The following NOSTRIN variants were observed in gnomAD, a reference collection of about 807,000 sequenced individuals.
The protein encoded by NOSTRIN is BM247 homolog.
In NOSTRIN, 63 loss-of-function variants were observed where a neutral mutation model predicts 59.0. The observed-to-expected ratio is 1.07, with a 90% CI of 0.87 to 1.32. The LOEUF (loss-of-function observed/expected upper bound fraction) is 1.32. NOSTRIN is among the 40% of genes most tolerant of loss of function. The pLI is 0.00. For synonymous variants in NOSTRIN, 200 were observed against 165.4 expected, an observed-to-expected ratio of 1.21 and a Z score of -1.61; for missense variants, 512 against 473.1, an observed-to-expected ratio of 1.08 and a Z score of -0.76.
At chr2:168,833,816 CA>C (rs11284678) in intron 6 of NOSTRIN, among the ~76,000 whole-genome samples, 92,774 of 152,000 alleles carry the variant, frequency 0.61, 29,389 homozygotes, top group African/African-American at 0.78. Context: ...AAAACAATCT[CA>C]AATCGTGGCC....
At chr2:168,842,967 G>T in intron 7 of NOSTRIN, 25 bp from the exon 8 acceptor site, 1 of 866,586 alleles carries the variant, frequency 1.2e-6, no homozygotes, top group Non-Finnish European at 2.0e-6. Flanking sequence ...GTTAGTAAAT[G>T]TGTGACATTG....
chr2:168,815,773 A>T (rs1686364219), intron 2 of NOSTRIN, among the ~76,000 whole-genome samples: 1 of 152,184 alleles, frequency 6.6e-6, no homozygotes, highest in Non-Finnish European at 1.5e-5. Context: ...CAAACCATAT[A>T]TATCACAGTA....
intron 12 of NOSTRIN, 88 bp from the exon 13 acceptor site, chr2:168,859,424 G>T: frequency 6.5e-7 from 1 of 1,545,636 alleles, no homozygotes; most frequent in South Asian, 1.2e-5. Context: ...TCTAACCTTT[G>T]TTATTTTGAA....
At chr2:168,851,056 A>C in intron 8 of NOSTRIN, 28 bp from the exon 9 acceptor site, 1 of 1,287,904 alleles carries the variant, frequency 7.8e-7, no homozygotes, top group Non-Finnish European at 1.1e-6. Context: ...CAACTGGCTG[A>C]TCTTACCCCA....
chr2:168,799,849 A>G (rs1211112666), upstream of NOSTRIN, among the ~76,000 whole-genome samples: 1 of 152,190 alleles, frequency 6.6e-6, no homozygotes, highest in Non-Finnish European at 1.5e-5. Flanking sequence ...ATTGTAGTAA[A>G]TTGAATGGAA....
chr2:168,798,986 T>C (rs909544336), upstream of NOSTRIN, among the ~76,000 whole-genome samples: 1 of 152,152 alleles, frequency 6.6e-6, no homozygotes, highest in African/African-American at 2.4e-5. Context: ...GAAGCAATCA[T>C]GTAAAGGCAT....
intron 15 of NOSTRIN, chr2:168,863,785 C>CA (rs1689648046): frequency 2.8e-6 from 1 of 361,150 alleles, no homozygotes; most frequent in Non-Finnish European, 3.9e-6. Context: ...GCCAAACAAT[C>CA]AAAAACACCA....
intron 8 of NOSTRIN, among the ~76,000 whole-genome samples, chr2:168,849,365 C>CT (rs60668601): frequency 0.021 from 3,132 of 151,640 alleles, 109 homozygotes; most frequent in African/African-American, 0.07. Flanking sequence ...TTCTTCTTTT[C>CT]TTTTTTTTGA....
chr2:168,852,566 G>A (rs1037574864), intron 10 of NOSTRIN, among the ~76,000 whole-genome samples: 1 of 152,158 alleles, frequency 6.6e-6, no homozygotes, highest in African/African-American at 2.4e-5. Flanking sequence ...AGGATTTCAA[G>A]CTCCAGATTA....
rs556792095 is a variant in NOSTRIN at position 168,787,678 on chromosome 2, A to T, written c.-660-183A>T. On this transcript the variant is annotated intron_variant, in intron 1 of 20. Transcript: ENST00000458381. ...ATAAATTCCTGTAGAATGAATATGC[A>T]TTTACAGAAAGAGGAGCTGTGAGAA... Among the ~76,000 whole-genome samples the T allele has an allele frequency of 2.0e-5, 3 of 152,324 alleles. No homozygotes were observed. The South Asian group carries it at 6.2e-4, about 32-fold the overall frequency.
At chr2:168,843,721 C>G (rs1282420396) in intron 8 of NOSTRIN, among the ~76,000 whole-genome samples, 1 of 152,132 alleles carries the variant, frequency 6.6e-6, no homozygotes, top group Admixed American at 6.5e-5. Context: ...TTGACAATAT[C>G]AAGTGTTGGT....
At chr2:168,797,232 G>A (rs187739244), upstream of NOSTRIN, among the ~76,000 whole-genome samples, 143 of 151,730 alleles carry the variant, frequency 9.4e-4, no homozygotes, top group African/African-American at 3.3e-3. Flanking sequence ...TGGGACTACA[G>A]GTACGTACCA....
At chr2:168,799,395 C>T (rs554120582), upstream of NOSTRIN, among the ~76,000 whole-genome samples, 33 of 152,332 alleles carry the variant, frequency 2.2e-4, no homozygotes, top group South Asian at 5.4e-3. Flanking sequence ...CAGTCTCCTC[C>T]TCCCAAAGTC....
upstream of NOSTRIN, among the ~76,000 whole-genome samples, chr2:168,802,189 C>T (rs189669203): frequency 4.6e-3 from 701 of 152,194 alleles, 13 homozygotes; most frequent in Non-Finnish European, 6.0e-3. Flanking sequence ...TTAGCTAACC[C>T]TCAGAGAGGC....
chr2:168,831,506 TCATTAGC>T lies in NOSTRIN; in HGVS notation c.378_384del (p.Ile127ThrfsTer12), dbSNP rs751807553. On this transcript the variant is annotated frameshift_variant, in exon 6 of 16. Coordinates refer to ENST00000317647, the MANE Select transcript of NOSTRIN (RefSeq NM_001039724.4). LOFTEE classifies it high-confidence loss of function. ...GAAGTTGAAAAGACAGCAAATCTTGTCATTAGCAACTGGAATCAGCAAATTAAGGCAA... is the reference window on the plus strand; with the variant it reads ...GAAGTTGAAAAGACAGCAAATCTTGTAACTGGAATCAGCAAATTAAGGCAA... The T allele has an allele frequency of 4.7e-5, 41 of 866,258 alleles. No individual in the cohort carries two copies. Among genetic ancestry groups the T allele is most frequent in the Non-Finnish European group, 7.7e-5 (38 of 496,182 alleles). 53.7% of individuals were successfully genotyped at this position (866,258 alleles called of 1,614,324 possible). A position where few individuals can be genotyped will look rare whatever the true frequency, so the allele number is the denominator to read the frequency against.
At chr2:168,826,165 C>T (rs567301734) in intron 3 of NOSTRIN, among the ~76,000 whole-genome samples, 10 of 152,180 alleles carry the variant, frequency 6.6e-5, no homozygotes, top group East Asian at 5.8e-4. Flanking sequence ...TGGCAGGGAA[C>T]GAAAGCTCTG....
At chr2:168,787,077 A>T (rs1247098490) in intron 1 of NOSTRIN, 1 of 152,140 alleles carries the variant, frequency 6.6e-6, no homozygotes, top group East Asian at 1.9e-4. Flanking sequence ...CTGCGGACCC[A>T]TAAGGATTCG....
chr2:168,862,164 A>G, intron 15 of NOSTRIN, 115 bp downstream of exon 15: 2 of 847,464 alleles, frequency 2.4e-6, no homozygotes, highest in Non-Finnish European at 3.8e-6. Flanking sequence ...AAATCAGTTC[A>G]CCCTTCTTGA....
intron 3 of NOSTRIN, among the ~76,000 whole-genome samples, chr2:168,827,564 T>C (rs1275446651): frequency 6.6e-6 from 1 of 152,106 alleles, no homozygotes; most frequent in Admixed American, 6.6e-5. Context: ...TACTTATTTT[T>C]TTCTTTTTGG....
Sources: allele counts gnomAD v4.1 joint callset (sites outside exome capture counted in the v4.1 genomes callset), GRCh38; gene constraint gnomAD v4.1.1; transcripts MANE v1.5; gene names NCBI Gene and HGNC (gene_info 2026-07-23, HGNC 2026-07-21).